Variants in NSD3 observed in about 807,000 individuals in gnomAD.
The protein encoded by NSD3 is histone-lysine N-methyltransferase NSD3.
NSD3 carries 24 observed loss-of-function variants against 160.8 expected under a neutral mutation model. The observed-to-expected ratio is 0.15, with a 90% CI of 0.11 to 0.21. NSD3 has a LOEUF of 0.21. NSD3 is among the 10% of genes least tolerant of loss of function. The probability of loss-of-function intolerance (pLI) is 1.00; values close to 1 mark genes in which losing one functional copy is unlikely to be tolerated. For missense variants in NSD3, 1,157 were observed against 1,735.9 expected (o/e 0.67, Z 5.93); for synonymous variants, 520 against 600.0 (o/e 0.87, Z 1.95).
At chr8:38,280,672 T>C (rs1315246280) in intron 20 of NSD3, among the ~76,000 whole-genome samples, 1 of 152,086 alleles carries the variant, frequency 6.6e-6, no homozygotes, top group Non-Finnish European at 1.5e-5. Flanking sequence ...ATGGATGTAC[T>C]GTGTATCAAA....
chr8:38,345,870 C>G (rs1043087113), intron 2 of NSD3, among the ~76,000 whole-genome samples: 1 of 152,144 alleles, frequency 6.6e-6, no homozygotes, highest in African/African-American at 2.4e-5. Flanking sequence ...GATTGCACCA[C>G]TGCACTCCAG....
chr8:38,369,609 T>G (rs1811189918), intron 1 of NSD3, among the ~76,000 whole-genome samples: 1 of 152,238 alleles, frequency 6.6e-6, no homozygotes, highest in Non-Finnish European at 1.5e-5. Context: ...ATGTGTCTGG[T>G]ACAGTTCTAC....
Position 38,319,082 on chromosome 8 carries a change from G to T in NSD3, c.1810-142C>A. 1.3e-6 allele frequency: 1 copy of T among 759,352 alleles called. No homozygotes were observed. Among genetic ancestry groups the T allele is most frequent in the Non-Finnish European group, 2.1e-6 (1 of 465,340 alleles). 47.0% of individuals were successfully genotyped at this position (759,352 alleles called of 1,614,324 possible). Reference sequence around the variant, plus strand: ...ATCTGAACTCAGTCCCATCTTTTGGGTAAAGTTCTCTGTCTCAAGATCAGG... The same window carrying T: ...ATCTGAACTCAGTCCCATCTTTTGGTTAAAGTTCTCTGTCTCAAGATCAGG... On this transcript the variant is annotated intron_variant, in intron 8 of 23. Coordinates refer to ENST00000317025, the MANE Select transcript of NSD3 (RefSeq NM_023034.2). This position sits in a 1 kb window ranked among gnomAD's most constrained non-coding sequence, Gnocchi z 4.1.
chr8:38,347,500 T>C lies in NSD3; in HGVS notation c.672A>G (p.Gln224=). Residue 224 remains glutamine, a synonymous_variant, in exon 2 of 24, where the codon CAA becomes CAG. Transcript: ENST00000317025. The part of the protein sequence containing the change: ...HKIPKLEPEE[Q]NRPNERVDTV... ...TCAAAACGACTTTTCAACTTACATTTTGTTCCTCTGGTTCTAATTTGGGGA... is the reference window on the plus strand; with the variant it reads ...TCAAAACGACTTTTCAACTTACATTCTGTTCCTCTGGTTCTAATTTGGGGA... The C allele has an allele frequency of 6.4e-7, 1 of 1,561,136 alleles. No individual in the cohort carries two copies. Among genetic ancestry groups the C allele is most frequent in the Non-Finnish European group, 8.6e-7 (1 of 1,158,084 alleles).
chr8:38,276,597 T>A, intron 22 of NSD3, 97 bp from the exon 23 acceptor site: 1 of 1,316,764 alleles, frequency 7.6e-7, no homozygotes, highest in Non-Finnish European at 1.1e-6. Context: ...TTTAAATTCA[T>A]CTGTTGTACA....
rs752308880 is a variant in NSD3 at position 38,326,711 on chromosome 8, A to G, written c.1708+19T>C. ...GATTTCTCAAAATGGACCTATATAT[A>G]CTTTTCATTCATACCAACCTGTAGA... On this transcript the variant is annotated intron_variant, in intron 7 of 23. Coordinates refer to ENST00000317025, the MANE Select transcript of NSD3 (RefSeq NM_023034.2). The G allele has an allele frequency of 1.9e-6, 3 of 1,610,778 alleles. No individual in the cohort carries two copies. Among genetic ancestry groups the G allele is most frequent in the East Asian group, 4.5e-5 (2 of 44,790 alleles).
chr8:38,307,121 A>AT (rs1281479657), intron 12 of NSD3, among the ~76,000 whole-genome samples: 61 of 139,046 alleles, frequency 4.4e-4, no homozygotes, highest in African/African-American at 1.5e-3. Flanking sequence ...TCTCAAAAAA[A>AT]AAAAAAATAA....
At chr8:38,344,280 GT>G (rs1157012496) in intron 2 of NSD3, among the ~76,000 whole-genome samples, 1 of 152,068 alleles carries the variant, frequency 6.6e-6, no homozygotes, top group Non-Finnish European at 1.5e-5. Flanking sequence ...TTTTTTATTT[GT>G]TTGTTTTTCA....
intron 1 of NSD3, among the ~76,000 whole-genome samples, chr8:38,374,488 G>A (rs1288477542): frequency 1.3e-5 from 2 of 152,098 alleles, no homozygotes; most frequent in Admixed American, 1.3e-4. Flanking sequence ...CCGGCGCAGT[G>A]GCACCTGCCT....
intron 1 of NSD3, among the ~76,000 whole-genome samples, chr8:38,351,716 T>C (rs1810706691): frequency 6.6e-6 from 1 of 151,912 alleles, no homozygotes; most frequent in African/African-American, 2.4e-5. Context: ...TTCATGTCCT[T>C]TGTAGGGACA....
chr8:38,361,581 C>T (rs1810965921), intron 1 of NSD3, among the ~76,000 whole-genome samples: 3 of 151,240 alleles, frequency 2.0e-5, no homozygotes, highest in Non-Finnish European at 4.4e-5. Flanking sequence ...CGGTGAAACC[C>T]CGTCTCTACT....
intron 4 of NSD3, among the ~76,000 whole-genome samples, chr8:38,335,804 A>G (rs1301758726): frequency 1.3e-5 from 2 of 152,232 alleles, no homozygotes; most frequent in East Asian, 1.9e-4. Context: ...CTGTTTACCT[A>G]TTTAAAATAT....
In NSD3 at chr8:38,316,414, G is replaced by A; in HGVS notation, c.1856-372C>T. On this transcript the variant is annotated intron_variant, in intron 9 of 23. Coordinates refer to ENST00000317025, the MANE Select transcript of NSD3 (RefSeq NM_023034.2). This position sits in a 1 kb window ranked among gnomAD's most constrained non-coding sequence, Gnocchi z 4.5. ...GGGAAGACATAAAACCCAACACACTGTGTAGCTTACAAATATGGTTGCAGA... is the reference window on the plus strand; with the variant it reads ...GGGAAGACATAAAACCCAACACACTATGTAGCTTACAAATATGGTTGCAGA... 9.5e-7 allele frequency: 1 copy of A among 1,055,754 alleles called. No homozygotes were observed. Among genetic ancestry groups the A allele is most frequent in the Non-Finnish European group, 1.1e-6 (1 of 872,636 alleles). The allele number at this position is 1,055,754 out of a possible 1,614,324, so 65.4% of individuals were successfully genotyped here. A position where few individuals can be genotyped will look rare whatever the true frequency, so the allele number is the denominator to read the frequency against.
intron 14 of NSD3, among the ~76,000 whole-genome samples, chr8:38,301,682 T>C (rs1175273469): frequency 6.6e-6 from 1 of 152,210 alleles, no homozygotes; most frequent in Non-Finnish European, 1.5e-5. Flanking sequence ...AAGGATTAAG[T>C]ACAAATACTA....
At position 38,276,343 on chromosome 8, in the gene NSD3, G is replaced by A. The variant is rs2130979334; in HGVS notation, c.4025C>T (p.Pro1342Leu). ...AAGGCATAGGAGGTGGTATGCTTTGGGACAGTCTTTTTTGTCACACATGAC... is the reference window on the plus strand; with the variant it reads ...AAGGCATAGGAGGTGGTATGCTTTGAGACAGTCTTTTTTGTCACACATGAC... ...ELVMCDKKDC[P>L]KAYHLLCLNL... Residue 1342 changes from proline (P) to leucine (L), a missense_variant, in exon 23 of 24, where the codon CCC (proline) becomes CTC (leucine). Pro to Leu is a moderately conservative substitution (Grantham distance 98). Around this residue, in one of 10 missense-constraint regions of NSD3, gnomAD observed 222 missense variants for 409.9 expected, o/e 0.54. Transcript: ENST00000317025. The A allele has an allele frequency of 6.2e-7, 1 of 1,614,124 alleles. No homozygotes were observed. The highest frequency in any genetic ancestry group is 8.5e-7 in the Non-Finnish European group (1 of 1,180,024).
chr8:38,359,376 C>T (rs978091501), intron 1 of NSD3, among the ~76,000 whole-genome samples: 2 of 152,082 alleles, frequency 1.3e-5, no homozygotes, highest in Non-Finnish European at 2.9e-5. Flanking sequence ...CAATTTCTAC[C>T]CTAAGGACAG....
chr8:38,345,850 G>A (rs947436614), intron 2 of NSD3, among the ~76,000 whole-genome samples: 5 of 151,868 alleles, frequency 3.3e-5, no homozygotes, highest in African/African-American at 4.8e-5. Flanking sequence ...CGGAGGTTGC[G>A]GTGAGCCAAG....
chr8:38,331,835 A>G (rs1283523094), intron 4 of NSD3, among the ~76,000 whole-genome samples: 1 of 131,600 alleles, frequency 7.6e-6, no homozygotes, highest in African/African-American at 2.5e-5. Flanking sequence ...TCTCAAAACA[A>G]AACAAAACAA....
chr8:38,304,784 T>A (rs780770227), intron 13 of NSD3, 27 bp from the exon 14 acceptor site: 25 of 1,576,466 alleles, frequency 1.6e-5, no homozygotes, highest in Middle Eastern at 1.7e-4. Flanking sequence ...CAAAAAGGAA[T>A]CTAATAAGGC....
Sources: gnomAD v4.1 joint callset for allele counts (sites outside exome capture counted in the v4.1 genomes callset) on GRCh38, gnomAD v4.1.1 for gene constraint, gnomAD v4.1.1 regional missense constraint, Gnocchi (gnomAD v3.1) non-coding constraint, MANE v1.5 for transcripts, NCBI Gene and HGNC (gene_info 2026-07-23, HGNC 2026-07-21) for gene names.